The following SRSF12 variants were observed in gnomAD, a reference collection of about 807,000 sequenced individuals.
The protein encoded by SRSF12 is serine and arginine rich splicing factor 12.
In SRSF12, 21 loss-of-function variants were observed where a neutral mutation model predicts 34.1. The ratio of observed to expected loss-of-function variants is 0.62; its 90% confidence interval spans 0.44 to 0.89. The LOEUF (loss-of-function observed/expected upper bound fraction) is 0.89, where lower values mean the gene tolerates loss of function less well. SRSF12 is among the 40% of genes least tolerant of loss of function. SRSF12 has a pLI of 0.00. For synonymous variants in SRSF12, 111 were observed against 110.8 expected, an observed-to-expected ratio of 1.00 and a Z score of -0.01; for missense variants, 278 against 327.8, an observed-to-expected ratio of 0.85 and a Z score of 1.17.
At chr6:89,101,798 G>A (rs775732222) in intron 4 of SRSF12, among the ~76,000 whole-genome samples, 1 of 151,982 alleles carries the variant, frequency 6.6e-6, no homozygotes, top group Non-Finnish European at 1.5e-5. Flanking sequence ...CTCACTATGG[G>A]TATCAGAAAA....
At position 89,105,431 on chromosome 6, in the gene SRSF12, G is replaced by A; in HGVS notation, c.270C>T (p.Arg90=). Residue 90 remains arginine, a synonymous_variant, in exon 3 of 5, where the codon CGC becomes CGT. Transcript: ENST00000452027. ...QIEIQFAQGD[R]KTPGQMKSKE... is the part of the protein sequence containing the mutation. ...CTAGCATTCAGTCACACTTACTTTT[G>A]CGATCACCTTGTGCAAACTGTATTT... 1 of 1,602,306 alleles carries A rather than the reference G, an allele frequency of 6.2e-7. No individual in the cohort carries two copies.
intron 2 of SRSF12, 142 bp downstream of exon 2, chr6:89,107,012 G>A: frequency 1.1e-6 from 1 of 881,524 alleles, no homozygotes; most frequent in Non-Finnish European, 1.8e-6. Context: ...AGCTACTGTG[G>A]ACTGCTTTAG....
chr6:89,117,712 G>A (rs1769377507), intron 1 of SRSF12, 111 bp downstream of exon 1: 3 of 1,104,064 alleles, frequency 2.7e-6, no homozygotes, highest in Middle Eastern at 3.2e-4. Context: ...GGCCCGCGGG[G>A]AGGCTCCGCG....
rs770995685 is a variant in SRSF12 at position 89,105,131 on chromosome 6, T to C, written c.404A>G (p.Asp135Gly). ...CTCTTATACTCACTCTTTAAGGCTGTCTGACCGCCTCCTATTTCTTCCCCA... is the reference window on the plus strand; with the variant it reads ...CTCTTATACTCACTCTTTAAGGCTGCCTGACCGCCTCCTATTTCTTCCCCA... ...SSWGRNRRRS[D>G]SLKESRHRRF... Residue 135 changes from aspartate (D) to glycine (G), a missense_variant, in exon 4 of 5, where the codon GAC (aspartate) becomes GGC (glycine). Transcript: ENST00000452027. The C allele has an allele frequency of 1.2e-6, 2 of 1,612,262 alleles. No individual in the cohort carries two copies. Among genetic ancestry groups the C allele is most frequent in the Non-Finnish European group, 1.7e-6 (2 of 1,178,934 alleles).
intron 1 of SRSF12, among the ~76,000 whole-genome samples, chr6:89,112,405 C>G (rs368238769): frequency 6.6e-6 from 1 of 150,724 alleles, no homozygotes; most frequent in African/African-American, 2.4e-5. Context: ...GTAAGTCCTA[C>G]TGTCCAAATT....
Position 89,097,908 on chromosome 6 carries a change from C to T in SRSF12, c.*670G>A, listed in dbSNP as rs556076103. 5.3e-5 allele frequency: 8 copies of T among 152,228 alleles called. No individual in the cohort carries two copies. The South Asian group carries it at 1.0e-3, about 20-fold the overall frequency. The allele number at this position is 152,228 out of a possible 1,614,324, so 9.4% of individuals were successfully genotyped here. On this transcript the variant is annotated 3_prime_UTR_variant, in exon 5 of 5. Coordinates refer to ENST00000452027, the MANE Select transcript of SRSF12 (RefSeq NM_080743.5). ...GAATTAGTCTCAAACCATTCAAAATCCAGTATTTCTCAAAAGTTCTGATAT... is the reference window on the plus strand; with the variant it reads ...GAATTAGTCTCAAACCATTCAAAATTCAGTATTTCTCAAAAGTTCTGATAT...
At chr6:89,108,527 G>A (rs1425257468) in intron 1 of SRSF12, among the ~76,000 whole-genome samples, 2 of 152,194 alleles carry the variant, frequency 1.3e-5, no homozygotes, top group Non-Finnish European at 2.9e-5. Context: ...ACTGCTTCAT[G>A]GTGCTATCAT....
intron 1 of SRSF12, among the ~76,000 whole-genome samples, chr6:89,116,975 G>A (rs1417082897): frequency 6.7e-6 from 1 of 150,060 alleles, no homozygotes. Context: ...AGGTAGAAAG[G>A]CTGGGGGGAA....
chr6:89,114,067 C>T (rs574693381), intron 1 of SRSF12, among the ~76,000 whole-genome samples: 1 of 152,298 alleles, frequency 6.6e-6, no homozygotes, highest in Admixed American at 6.5e-5. Flanking sequence ...CATCACTCAC[C>T]TGCTATTCGA....
chr6:89,107,178 C>T lies in SRSF12; in HGVS notation c.146G>A (p.Arg49His), dbSNP rs191899999. 3.6e-5 allele frequency: 58 copies of T among 1,613,882 alleles called. No homozygotes were observed. Among genetic ancestry groups the T allele is most frequent in the Admixed American group, 5.0e-5 (3 of 59,984 alleles). ...VYIPLDFYTR[R>H]PRGFAYVQFE... ...TTGAACATAAGCAAATCCTCTTGGGCGGCGAGTGTAGAAGTCAAGTGGAAT... is the reference window on the plus strand; with the variant it reads ...TTGAACATAAGCAAATCCTCTTGGGTGGCGAGTGTAGAAGTCAAGTGGAAT... The change falls in exon 2 of 5, where the codon CGC becomes CAC. Residue 49 changes from arginine to histidine, a missense_variant. Coordinates refer to ENST00000452027, the MANE Select transcript of SRSF12 (RefSeq NM_080743.5).
intron 4 of SRSF12, among the ~76,000 whole-genome samples, chr6:89,101,192 A>C (rs187138081): frequency 1.4e-3 from 210 of 152,314 alleles, no homozygotes; most frequent in Non-Finnish European, 2.6e-3. Context: ...TGAGAAAAGG[A>C]ATTTTAAGAA....
chr6:89,114,341 C>G (rs182783900), intron 1 of SRSF12, among the ~76,000 whole-genome samples: 4 of 152,216 alleles, frequency 2.6e-5, no homozygotes, highest in African/African-American at 9.6e-5. Context: ...GGCAGGAGAA[C>G]TGCTTGAGCC....
In SRSF12 at chr6:89,107,139, T is replaced by C. The variant is rs1768828952; in HGVS notation, c.170+15A>G. 1.2e-6 allele frequency: 2 copies of C among 1,609,106 alleles called. No homozygotes were observed. The highest frequency in any genetic ancestry group is 2.2e-5 in the East Asian group (1 of 44,838). ...ATACAGTATATTCACATGCACACAA[T>C]AAAATAAAGGATATTGAACATAAGC... is the stretch of plus-strand genomic sequence containing the variant. On this transcript the variant is annotated intron_variant, in intron 2 of 4. Transcript: ENST00000452027.
intron 1 of SRSF12, among the ~76,000 whole-genome samples, chr6:89,111,109 CTTT>C (rs75997148): frequency 1.7e-5 from 2 of 120,716 alleles, no homozygotes; most frequent in Non-Finnish European, 1.6e-5. Context: ...TGAGACTTGT[CTTT>C]TTTTTTTTTT....
At chr6:89,109,091 C>G (rs1311310483) in intron 1 of SRSF12, among the ~76,000 whole-genome samples, 1 of 152,166 alleles carries the variant, frequency 6.6e-6, no homozygotes, top group African/African-American at 2.4e-5. Flanking sequence ...AAGAAAAACA[C>G]AATTCCTGCT....
At chr6:89,111,229 C>T (rs1299496475) in intron 1 of SRSF12, among the ~76,000 whole-genome samples, 1 of 152,132 alleles carries the variant, frequency 6.6e-6, no homozygotes, top group African/African-American at 2.4e-5. Flanking sequence ...GTGCCTCAAC[C>T]TCCCAAGTAG....
At chr6:89,110,311 T>C (rs1415137436) in intron 1 of SRSF12, among the ~76,000 whole-genome samples, 1 of 151,940 alleles carries the variant, frequency 6.6e-6, no homozygotes, top group Non-Finnish European at 1.5e-5. Flanking sequence ...CTCCACAGAG[T>C]GGGAGCAGGC....
At chr6:89,101,407 G>A (rs940579979) in intron 4 of SRSF12, among the ~76,000 whole-genome samples, 4 of 152,108 alleles carry the variant, frequency 2.6e-5, no homozygotes, top group Non-Finnish European at 4.4e-5. Flanking sequence ...TGAAACTGAT[G>A]AAAACCAAAG....
Position 89,096,986 on chromosome 6 carries a change from T to A in SRSF12, c.*1592A>T, listed in dbSNP as rs1768304014. 6.6e-6 allele frequency: 1 copy of A among 152,176 alleles called. No individual in the cohort carries two copies. The highest frequency in any genetic ancestry group is 1.9e-4 in the East Asian group (1 of 5,204). 9.4% of individuals were successfully genotyped at this position (152,176 alleles called of 1,614,324 possible). A position where few individuals can be genotyped will look rare whatever the true frequency, so the allele number is the denominator to read the frequency against. On this transcript the variant is annotated 3_prime_UTR_variant, in exon 5 of 5. Coordinates refer to ENST00000452027, the MANE Select transcript of SRSF12 (RefSeq NM_080743.5). ...AAAGAGTTGTAGTTTTGAAATAAAT[T>A]TTGCTATGATTAGAGAAAATCTATT... is the stretch of plus-strand genomic sequence containing the variant.
Sources: allele counts gnomAD v4.1 joint callset (sites outside exome capture counted in the v4.1 genomes callset), GRCh38; gene constraint gnomAD v4.1.1; transcripts MANE v1.5; gene names NCBI Gene and HGNC (gene_info 2026-07-23, HGNC 2026-07-21).